TLL1: variants seen among roughly 807,000 people sequenced by gnomAD.
TLL1 encodes the protein tolloid like 1.
In TLL1, 49 loss-of-function variants were observed where a neutral mutation model predicts 128.2. The observed-to-expected ratio is 0.38, with a 90% confidence interval of 0.30 to 0.48. The LOEUF is 0.48. Among genes scored for constraint, TLL1 ranks in the 20% least tolerant of loss-of-function variants. The pLI, the probability that TLL1 is intolerant of heterozygous loss-of-function variation, is 0.96. For missense variants in TLL1, 1,123 were observed against 1,242.0 expected (o/e 0.90, Z 1.44); for synonymous variants, 454 against 418.8 (o/e 1.08, Z -1.03).
rs61229255 is a variant in TLL1, at chr4:166,052,965, G to GTATATATATATA, written c.1525-2105_1525-2094dup. On this transcript the variant is annotated intron_variant, in intron 12 of 20. Coordinates refer to ENST00000061240, the MANE Select transcript of TLL1 (RefSeq NM_012464.5). The stretch of plus-strand genomic sequence containing the variant: ...TAAAGACTGAGATAAGAGGTTATGT[G>GTATATATATATA]TATATATATATATATATTTGGCCAA... Among the ~76,000 whole-genome samples, 24 of 99,700 alleles carry GTATATATATATA rather than the reference G, an allele frequency of 2.4e-4. 1 individual carries two copies. The highest frequency in any genetic ancestry group is 9.1e-4 in the African/African-American group (24 of 26,278). The allele number at this position is 99,700 out of a possible 152,430, so 65.4% of individuals were successfully genotyped here.
intron 8 of TLL1, among the ~76,000 whole-genome samples, chr4:166,019,196 C>G (rs367659460): frequency 1.3e-5 from 2 of 152,268 alleles, no homozygotes; most frequent in South Asian, 4.1e-4. Flanking sequence ...AATCAACTAA[C>G]ACAGGCATAG....
At chr4:166,047,099 A>G (rs189733454) in intron 12 of TLL1, among the ~76,000 whole-genome samples, 2 of 152,288 alleles carry the variant, frequency 1.3e-5, no homozygotes, top group Admixed American at 6.5e-5. Flanking sequence ...TACCTGATAA[A>G]GTACAGTTTT....
chr4:165,955,445 CT>C (rs1236032912), intron 1 of TLL1, among the ~76,000 whole-genome samples: 2 of 151,902 alleles, frequency 1.3e-5, no homozygotes, highest in Non-Finnish European at 2.9e-5. Flanking sequence ...CAGAAAACTC[CT>C]GGGAGATATT....
At chr4:165,929,537 C>CA (rs71604413) in intron 1 of TLL1, among the ~76,000 whole-genome samples, 69,460 of 133,902 alleles carry the variant, frequency 0.52, 19,327 homozygotes, top group Middle Eastern at 0.65. Flanking sequence ...GACTCCATCT[C>CA]AAAAAAAAAA....
At chr4:166,086,211 G>C (rs975932935) in intron 18 of TLL1, among the ~76,000 whole-genome samples, 1 of 151,918 alleles carries the variant, frequency 6.6e-6, no homozygotes, top group Non-Finnish European at 1.5e-5. Flanking sequence ...ATATATTACT[G>C]TACATTAATA....
chr4:166,055,316 A>G (rs1739954521), intron 13 of TLL1, 45 bp downstream of exon 13: 2 of 1,548,796 alleles, frequency 1.3e-6, no homozygotes, highest in African/African-American at 2.7e-5. Flanking sequence ...TTTATCAAGG[A>G]TACTTGTAGT....
At chr4:166,044,413 C>T (rs1440812457) in intron 12 of TLL1, 1 of 1,535,560 alleles carries the variant, frequency 6.5e-7, no homozygotes, top group East Asian at 2.4e-5. Context: ...CAGAGAATCT[C>T]TCATCCTCAT....
chr4:166,047,082 A>G (rs1739488729), intron 12 of TLL1, among the ~76,000 whole-genome samples: 1 of 152,176 alleles, frequency 6.6e-6, no homozygotes, highest in African/African-American at 2.4e-5. Context: ...TCAATATTAT[A>G]TGATTTTACC....
intron 1 of TLL1, among the ~76,000 whole-genome samples, chr4:165,975,034 A>G (rs563811326): frequency 1.3e-5 from 2 of 152,300 alleles, no homozygotes; most frequent in African/African-American, 4.8e-5. Context: ...GACAAATCTG[A>G]AACCCTGATG....
intron 1 of TLL1, among the ~76,000 whole-genome samples, chr4:165,938,332 T>C (rs577028019): frequency 6.6e-6 from 1 of 152,238 alleles, no homozygotes; most frequent in East Asian, 1.9e-4. Flanking sequence ...ATCTTGATTT[T>C]ATTCCCAGTG....
chr4:165,929,067 G>C lies in TLL1; in HGVS notation c.169+54994G>C, dbSNP rs7657525. 3.0e-3 allele frequency among the ~76,000 whole-genome samples: 456 copies of C among 152,268 alleles called. 2 individuals carry two copies. Among genetic ancestry groups the C allele is most frequent in the African/African-American group, 9.2e-3 (383 of 41,556 alleles). On this transcript the variant is annotated intron_variant, in intron 1 of 20. Coordinates refer to ENST00000061240, the MANE Select transcript of TLL1 (RefSeq NM_012464.5). ...ACACCACGTGGAGAAGTTGACGGCA[G>C]AAATAGTGCCAAGACTTCTGGCCTG...
intron 1 of TLL1, among the ~76,000 whole-genome samples, chr4:165,888,326 T>C (rs1229944770): frequency 6.6e-6 from 1 of 152,208 alleles, no homozygotes; most frequent in Non-Finnish European, 1.5e-5. Context: ...TAATTATCCT[T>C]ATTTCACCAT....
intron 1 of TLL1, among the ~76,000 whole-genome samples, chr4:165,944,519 A>G (rs1734155364): frequency 6.6e-6 from 1 of 152,160 alleles, no homozygotes; most frequent in Non-Finnish European, 1.5e-5. Context: ...TCAGGGACTT[A>G]AGGCCATATT....
chr4:165,976,272 A>G (rs1735882163), intron 1 of TLL1, among the ~76,000 whole-genome samples: 1 of 152,174 alleles, frequency 6.6e-6, no homozygotes, highest in Non-Finnish European at 1.5e-5. Flanking sequence ...ACAGGATCAA[A>G]GTATAACAAT....
chr4:165,879,190 C>T (rs896659139), intron 1 of TLL1, among the ~76,000 whole-genome samples: 1 of 152,020 alleles, frequency 6.6e-6, no homozygotes, highest in African/African-American at 2.4e-5. Flanking sequence ...AAGTGATTCT[C>T]CTGCCTCAAG....
chr4:165,885,611 T>G (rs553369316), intron 1 of TLL1, among the ~76,000 whole-genome samples: 1 of 152,090 alleles, frequency 6.6e-6, no homozygotes, highest in African/African-American at 2.4e-5. Context: ...AAAAAAAAAC[T>G]ACCAAAGAGT....
chr4:165,960,512 AAAG>A (rs1029268945), intron 1 of TLL1, among the ~76,000 whole-genome samples: 2 of 152,114 alleles, frequency 1.3e-5, no homozygotes, highest in Non-Finnish European at 2.9e-5. Flanking sequence ...CACAACGAAA[AAAG>A]AAGACTTCAA....
At chr4:165,886,366 T>C (rs1439565128) in intron 1 of TLL1, among the ~76,000 whole-genome samples, 3 of 152,172 alleles carry the variant, frequency 2.0e-5, no homozygotes, top group African/African-American at 7.2e-5. Context: ...TGATGCACTG[T>C]ACAGATTTAA....
intron 1 of TLL1, among the ~76,000 whole-genome samples, chr4:165,978,470 T>C (rs999101901): frequency 6.6e-6 from 1 of 152,172 alleles, no homozygotes; most frequent in Non-Finnish European, 1.5e-5. Context: ...TTTTGCTTTT[T>C]ACACTTTATC....
Sources: gnomAD v4.1 joint callset for allele counts (sites outside exome capture counted in the v4.1 genomes callset) on GRCh38, gnomAD v4.1.1 for gene constraint, MANE v1.5 for transcripts, NCBI Gene and HGNC (gene_info 2026-07-23, HGNC 2026-07-21) for gene names.